Variants in OSBPL3 observed in about 807,000 individuals in gnomAD.
OSBPL3 encodes the protein oxysterol binding protein like 3.
Under a neutral mutation model 120.1 loss-of-function variants are expected in OSBPL3, and 65 were observed. The ratio of observed to expected loss-of-function variants is 0.54; its 90% CI spans 0.44 to 0.67. The LOEUF (loss-of-function observed/expected upper bound fraction) is 0.67. Ranked by LOEUF, OSBPL3 falls within the 30% of genes least tolerant of loss-of-function variation. OSBPL3 has a pLI of 0.00. For missense variants in OSBPL3, 1,004 were observed against 1,082.1 expected, an observed-to-expected ratio of 0.93 and a Z score of 1.01; for synonymous variants, 416 against 402.6, an observed-to-expected ratio of 1.03 and a Z score of -0.40.
At chr7:24,861,452 A>C (rs973208092) in intron 10 of OSBPL3, among the ~76,000 whole-genome samples, 161 bp downstream of exon 10, 1 of 152,230 alleles carries the variant, frequency 6.6e-6, no homozygotes, top group Admixed American at 6.5e-5. Flanking sequence ...TTGCCAATAC[A>C]TTCTCCACTA....
rs986316649 is a variant in OSBPL3 at position 24,891,291 on chromosome 7, G to C, written c.96+1086C>G. On this transcript the variant is annotated intron_variant, in intron 2 of 22. Coordinates refer to ENST00000313367, the MANE Select transcript of OSBPL3 (RefSeq NM_015550.4). This position sits in a 1 kb window ranked among gnomAD's most constrained non-coding sequence, Gnocchi z 4.1. ...CCTTAACCCCTCAGGGGAGATCCTG[G>C]AGGGCTTCCCAAATGTCAGGTCTGT... 1.3e-5 allele frequency among the ~76,000 whole-genome samples: 2 copies of C among 152,046 alleles called. No individual in the cohort carries two copies. The highest frequency in any genetic ancestry group is 4.2e-4 in the South Asian group (2 of 4,812).
At chr7:24,935,868 C>T (rs1467230019) in intron 1 of OSBPL3, among the ~76,000 whole-genome samples, 3 of 151,864 alleles carry the variant, frequency 2.0e-5, no homozygotes, top group Admixed American at 6.6e-5. Flanking sequence ...TCTGTATATT[C>T]TCGAAGAAGG....
chr7:24,872,935 T>C lies in OSBPL3; in HGVS notation c.97-866A>G, dbSNP rs1336826679. On this transcript the variant is annotated intron_variant, in intron 2 of 22. Coordinates refer to ENST00000313367, the MANE Select transcript of OSBPL3 (RefSeq NM_015550.4). The surrounding 1 kb of genome is among the most constrained non-coding windows in gnomAD (Gnocchi z 4.1). ...CAATACTTCAGTGACTGGGAGAATT[T>C]ATTTTTATTATTATTTTTACATTTT... 6.6e-6 allele frequency among the ~76,000 whole-genome samples: 1 copy of C among 152,210 alleles called. No homozygotes were observed. The highest frequency in any genetic ancestry group is 2.4e-5 in the African/African-American group (1 of 41,454).
intron 1 of OSBPL3, among the ~76,000 whole-genome samples, chr7:24,970,173 T>A (rs560683144): frequency 6.8e-6 from 1 of 147,082 alleles, no homozygotes; most frequent in African/African-American, 2.5e-5. Flanking sequence ...AGTGGCACCA[T>A]CTTGGCTGAC....
chr7:24,859,504 A>G (rs1800241291), intron 10 of OSBPL3, among the ~76,000 whole-genome samples: 1 of 152,172 alleles, frequency 6.6e-6, no homozygotes, highest in South Asian at 2.1e-4. Flanking sequence ...TTACATTTTT[A>G]CTTTACATTT....
Position 24,916,934 on chromosome 7 carries a change from T to C in OSBPL3, c.-149-24313A>G, listed in dbSNP as rs1809648867. 6.7e-6 allele frequency among the ~76,000 whole-genome samples: 1 copy of C among 149,884 alleles called. No individual in the cohort carries two copies. Among genetic ancestry groups the C allele is most frequent in the African/African-American group, 2.5e-5 (1 of 40,686 alleles). ...TCCATTTCCACCCCCCCCAACCTTT[T>C]TAGAAAATTAAATAAATAACTCCTA... On this transcript the variant is annotated intron_variant, in intron 1 of 22. Coordinates refer to ENST00000313367, the MANE Select transcript of OSBPL3 (RefSeq NM_015550.4). This position sits in a 1 kb window ranked among gnomAD's most constrained non-coding sequence, Gnocchi z 4.9.
intron 22 of OSBPL3, 118 bp from the exon 23 acceptor site, chr7:24,800,397 C>CCAGA: frequency 1.6e-6 from 1 of 614,608 alleles, no homozygotes. Context: ...ATTCAGCGTC[C>CCAGA]CAGAGTGTTG....
chr7:24,809,885 C>T lies in OSBPL3; in HGVS notation c.2239G>A (p.Val747Ile), dbSNP rs1562756951. 6.2e-7 allele frequency: 1 copy of T among 1,614,156 alleles called. No homozygotes were observed. The highest frequency in any genetic ancestry group is 8.5e-7 in the Non-Finnish European group (1 of 1,179,996). The change falls in exon 20 of 23, where the codon GTT (valine) becomes ATT (isoleucine). Residue 747 changes from valine (V) to isoleucine (I), a missense_variant. Around this residue, in one of 4 missense-constraint regions of OSBPL3, gnomAD observed 473 missense variants for 568.0 expected, o/e 0.83. Coordinates refer to ENST00000313367, the MANE Select transcript of OSBPL3 (RefSeq NM_015550.4). The part of the protein sequence containing the change: ...GTVFDRSGKA[V>I]HRLFGKWHES... Reference sequence around the variant, plus strand: ...TGCCATTTCCCAAACAGCCGATGAACCGCTTTTCCACTCCTGTCAAACACT... The same window carrying T: ...TGCCATTTCCCAAACAGCCGATGAATCGCTTTTCCACTCCTGTCAAACACT...
chr7:24,931,442 C>G (rs1811776475), intron 1 of OSBPL3, among the ~76,000 whole-genome samples: 1 of 151,962 alleles, frequency 6.6e-6, no homozygotes, highest in Admixed American at 6.6e-5. Flanking sequence ...CACAAGGGTC[C>G]TTATAAGAGG....
At chr7:24,864,651 T>C (rs995583956) in intron 7 of OSBPL3, among the ~76,000 whole-genome samples, 4 of 152,184 alleles carry the variant, frequency 2.6e-5, no homozygotes, top group Non-Finnish European at 5.9e-5. Flanking sequence ...TTCAAATCAG[T>C]TGGAGAAATC....
chr7:24,944,026 C>A (rs1472285339), intron 1 of OSBPL3, among the ~76,000 whole-genome samples: 1 of 145,196 alleles, frequency 6.9e-6, no homozygotes, highest in Non-Finnish European at 1.5e-5. Flanking sequence ...AATTTCCTTT[C>A]ATCGGCAAAG....
chr7:24,917,035 AG>A (rs2128437192), intron 1 of OSBPL3, among the ~76,000 whole-genome samples: 2 of 152,262 alleles, frequency 1.3e-5, no homozygotes, highest in African/African-American at 2.4e-5. Context: ...TCCCAGGAGT[AG>A]AGGGGGCTGC....
chr7:24,807,321 C>G (rs1401816527), intron 20 of OSBPL3, among the ~76,000 whole-genome samples: 1 of 151,954 alleles, frequency 6.6e-6, no homozygotes, highest in African/African-American at 2.4e-5. Flanking sequence ...GGCGAAACAC[C>G]ATCTCTACTA....
chr7:24,973,318 T>C (rs969742934), intron 1 of OSBPL3, among the ~76,000 whole-genome samples: 6 of 152,210 alleles, frequency 3.9e-5, no homozygotes, highest in Non-Finnish European at 8.8e-5. Flanking sequence ...AAGAAACTTT[T>C]ATGAAAGAAA....
Position 24,891,028 on chromosome 7 carries a change from T to C in OSBPL3, c.96+1349A>G, listed in dbSNP as rs572022608. ...AGAAGGACATAACAACCCCTAGGTGTAAGGAAGATGGCGCAGGTAGGGGAT... is the reference window on the plus strand; with the variant it reads ...AGAAGGACATAACAACCCCTAGGTGCAAGGAAGATGGCGCAGGTAGGGGAT... On this transcript the variant is annotated intron_variant, in intron 2 of 22. Transcript: ENST00000313367. This position sits in a 1 kb window ranked among gnomAD's most constrained non-coding sequence, Gnocchi z 4.1. Among the ~76,000 whole-genome samples, 3 of 152,284 alleles carry C rather than the reference T, an allele frequency of 2.0e-5. No homozygotes were observed. Among genetic ancestry groups the C allele is most frequent in the Non-Finnish European group, 4.4e-5 (3 of 68,026 alleles).
In OSBPL3 at chr7:24,863,635, C is replaced by T. The variant is rs754134704; in HGVS notation, c.674-36G>A. 2 of 1,328,524 alleles carry T rather than the reference C, an allele frequency of 1.5e-6. No individual in the cohort carries two copies. The highest frequency in any genetic ancestry group is 2.3e-5 in the East Asian group (1 of 43,562). 82.3% of individuals were successfully genotyped at this position (1,328,524 alleles called of 1,614,324 possible). A position where few individuals can be genotyped will look rare whatever the true frequency, so the allele number is the denominator to read the frequency against. On this transcript the variant is annotated intron_variant, in intron 7 of 22. Transcript: ENST00000313367. The surrounding 1 kb of genome is among the most constrained non-coding windows in gnomAD (Gnocchi z 5.8). ...AAAGAGGACAGTGCTCACAATGCTCCACTAGCAAGAGGGATCACTGTGCTG... is the reference window on the plus strand; with the variant it reads ...AAAGAGGACAGTGCTCACAATGCTCTACTAGCAAGAGGGATCACTGTGCTG...
rs1338248619 is a variant in OSBPL3 at position 24,862,678 on chromosome 7, G to A, written c.870+522C>T. ...TTGGCCTGTGGCTTAGCTGTGCATT[G>A]GGAAAGCTCCTAGCATGACACAGTG... is the stretch of plus-strand genomic sequence containing the variant. On this transcript the variant is annotated intron_variant, in intron 9 of 22. Transcript: ENST00000313367. The surrounding 1 kb of genome is among the most constrained non-coding windows in gnomAD (Gnocchi z 4.4). 6.6e-6 allele frequency among the ~76,000 whole-genome samples: 1 copy of A among 152,132 alleles called. No individual in the cohort carries two copies. The highest frequency in any genetic ancestry group is 2.4e-5 in the African/African-American group (1 of 41,426).
chr7:24,865,613 T>A, intron 6 of OSBPL3, 148 bp from the exon 7 acceptor site: 1 of 743,300 alleles, frequency 1.3e-6, no homozygotes. Context: ...TACTAAGACC[T>A]CTGGCTATCA....
At chr7:24,907,271 C>T (rs1376539650) in intron 1 of OSBPL3, among the ~76,000 whole-genome samples, 2 of 152,326 alleles carry the variant, frequency 1.3e-5, no homozygotes, top group East Asian at 1.9e-4. Context: ...ATTCCCAATG[C>T]CTACAAGCTT....
Sources: gnomAD v4.1 joint callset for allele counts (sites outside exome capture counted in the v4.1 genomes callset) on GRCh38, gnomAD v4.1.1 for gene constraint, gnomAD v4.1.1 regional missense constraint, Gnocchi (gnomAD v3.1) non-coding constraint, MANE v1.5 for transcripts, NCBI Gene and HGNC (gene_info 2026-07-23, HGNC 2026-07-21) for gene names.